GBF1: variants seen among roughly 807,000 people sequenced by gnomAD.
GBF1 encodes the protein Golgi-specific brefeldin A-resistance guanine nucleotide exchange factor 1.
A neutral mutation model predicts 210.5 loss-of-function variants in GBF1; 114 were observed. The observed-to-expected ratio is 0.54, with a 90% CI of 0.47 to 0.63. The LOEUF is 0.63. Ranked by LOEUF, GBF1 falls within the 30% of genes least tolerant of loss-of-function variation. GBF1 has a pLI of 0.00. For missense variants in GBF1, 1,851 were observed against 2,357.7 expected (o/e 0.79, Z 4.45); for synonymous variants, 850 against 889.2 (o/e 0.96, Z 0.78).
intron 3 of GBF1, among the ~76,000 whole-genome samples, chr10:102,284,381 A>G (rs1565058222): frequency 6.6e-6 from 1 of 152,144 alleles, no homozygotes; most frequent in Non-Finnish European, 1.5e-5. Flanking sequence ...CATCGCCCCA[A>G]AAGGAAATCC....
At position 102,358,701 on chromosome 10, in the gene GBF1, T is replaced by G; in HGVS notation, c.983T>G (p.Leu328Arg). Residue 328 changes from leucine (L) to arginine (R), a missense_variant, in exon 10 of 40, where the codon CTA becomes CGA. Coordinates refer to ENST00000369983, the MANE Select transcript of GBF1 (RefSeq NM_001377137.1). ...GCTACAGAGCCTGGAAGCAGTGAGC[T>G]AGGTGTTCCCGAGCAGCCTGACCTC... ...STATEPGSSE[L>R]GVPEQPDLQQ... 6.2e-7 allele frequency: 1 copy of G among 1,613,772 alleles called. No individual in the cohort carries two copies. Among genetic ancestry groups the G allele is most frequent in the Middle Eastern group, 1.6e-4 (1 of 6,062 alleles).
intron 7 of GBF1, among the ~76,000 whole-genome samples, 160 bp from the exon 8 acceptor site, chr10:102,353,440 T>C (rs1402421759): frequency 6.6e-6 from 1 of 152,214 alleles, no homozygotes; most frequent in Non-Finnish European, 1.5e-5. Flanking sequence ...GGCTCTTTGA[T>C]GAAGCTCTGA....
the GBF1 span, among the ~76,000 whole-genome samples, chr10:102,235,169 C>CCCT: frequency 1.4e-5 from 1 of 71,552 alleles, no homozygotes; most frequent in African/African-American, 7.1e-5. Context: ...TTACCCTTCC[C>CCCT]CCACCCCCCA....
At chr10:102,320,312 T>A (rs924282995) in intron 3 of GBF1, among the ~76,000 whole-genome samples, 1 of 152,152 alleles carries the variant, frequency 6.6e-6, no homozygotes, top group Non-Finnish European at 1.5e-5. Context: ...CAGTCCTTTA[T>A]ATTTAAACTG....
intron 3 of GBF1, among the ~76,000 whole-genome samples, chr10:102,337,327 G>C (rs1446501973): frequency 7.4e-6 from 1 of 135,182 alleles, no homozygotes; most frequent in Non-Finnish European, 1.5e-5. Flanking sequence ...CCAAGATCTC[G>C]CCACTGCACT....
chr10:102,325,550 CAA>C (rs140406517), intron 3 of GBF1, among the ~76,000 whole-genome samples: 6 of 96,336 alleles, frequency 6.2e-5, no homozygotes, highest in Non-Finnish European at 4.1e-5. Flanking sequence ...GACTCCGTCT[CAA>C]AAAAAAAAAA....
At chr10:102,284,192 A>T (rs1229079830) in intron 3 of GBF1, among the ~76,000 whole-genome samples, 1 of 152,214 alleles carries the variant, frequency 6.6e-6, no homozygotes, top group Non-Finnish European at 1.5e-5. Flanking sequence ...ATCCTGTTAA[A>T]GCACTTTAGA....
intron 3 of GBF1, among the ~76,000 whole-genome samples, chr10:102,314,583 G>T (rs12771352): frequency 0.09 from 13,660 of 152,018 alleles, 780 homozygotes; most frequent in Non-Finnish European, 0.12. Flanking sequence ...GACACCCTAG[G>T]CCAGGCAATG....
chr10:102,236,753 G>A, the GBF1 span, among the ~76,000 whole-genome samples: 7 of 152,312 alleles, frequency 4.6e-5, no homozygotes, highest in South Asian at 2.1e-4. Flanking sequence ...GCCCACAATC[G>A]GTTGCAATAA....
At chr10:102,361,351 T>G (rs915617898) in intron 13 of GBF1, among the ~76,000 whole-genome samples, 1 of 152,182 alleles carries the variant, frequency 6.6e-6, no homozygotes, top group Non-Finnish European at 1.5e-5. Context: ...CAGGTAACCT[T>G]ACCATGAATA....
At chr10:102,234,770 C>G in the GBF1 span, among the ~76,000 whole-genome samples, 1 of 152,144 alleles carries the variant, frequency 6.6e-6, no homozygotes, top group African/African-American at 2.4e-5. Flanking sequence ...GAAAAGCAGT[C>G]CCACCCTTGC....
chr10:102,286,193 G>A (rs2075923006), intron 3 of GBF1, among the ~76,000 whole-genome samples: 1 of 78,920 alleles, frequency 1.3e-5, no homozygotes, highest in Non-Finnish European at 2.6e-5. Context: ...AAAGCATAAG[G>A]GTTTTTTTTT....
At chr10:102,304,253 T>A (rs1294553388) in intron 3 of GBF1, among the ~76,000 whole-genome samples, 3 of 152,196 alleles carry the variant, frequency 2.0e-5, no homozygotes, top group Non-Finnish European at 4.4e-5. Context: ...CTTTGAATAC[T>A]TACTTGTTTT....
chr10:102,327,914 C>T (rs1052015213), intron 3 of GBF1, among the ~76,000 whole-genome samples: 1 of 152,178 alleles, frequency 6.6e-6, no homozygotes, highest in Non-Finnish European at 1.5e-5. Flanking sequence ...TTTTCCAACC[C>T]TTTGAGGATT....
chr10:102,234,053 G>A, the GBF1 span, among the ~76,000 whole-genome samples: 2 of 152,204 alleles, frequency 1.3e-5, no homozygotes, highest in Non-Finnish European at 2.9e-5. Flanking sequence ...GGGCCTCTCT[G>A]CCTCTCTCAC....
At chr10:102,271,068 T>C (rs2074366682) in intron 3 of GBF1, among the ~76,000 whole-genome samples, 1 of 151,796 alleles carries the variant, frequency 6.6e-6, no homozygotes, top group Non-Finnish European at 1.5e-5. Flanking sequence ...GATGGAGTCT[T>C]GCTCTTTCGC....
chr10:102,351,230 T>TA, intron 4 of GBF1, 26 bp from the exon 5 acceptor site: 1 of 1,251,624 alleles, frequency 8.0e-7, no homozygotes, highest in African/African-American at 1.5e-5. Flanking sequence ...CCACATCACT[T>TA]AATCTTTCCT....
chr10:102,345,428 G>A (rs945429377), intron 4 of GBF1, among the ~76,000 whole-genome samples: 1 of 150,988 alleles, frequency 6.6e-6, no homozygotes, highest in Non-Finnish European at 1.5e-5. Context: ...CGAGGCGGAC[G>A]GATCATGAGG....
In GBF1 at chr10:102,382,469, G is replaced by A; in HGVS notation, c.*133G>A. ...GTTGCTGCCACTTGGATGGGGACCTGAAAAAGAGAATGTTGATAGCCCCAG... is the reference window on the plus strand; with the variant it reads ...GTTGCTGCCACTTGGATGGGGACCTAAAAAAGAGAATGTTGATAGCCCCAG... On this transcript the variant is annotated 3_prime_UTR_variant, in exon 40 of 40. Coordinates refer to ENST00000369983, the MANE Select transcript of GBF1 (RefSeq NM_001377137.1). The A allele has an allele frequency of 1.4e-6, 1 of 738,734 alleles. No individual in the cohort carries two copies. The highest frequency in any genetic ancestry group is 2.2e-6 in the Non-Finnish European group (1 of 459,128). 45.8% of individuals were successfully genotyped at this position (738,734 alleles called of 1,614,324 possible).
Sources: allele counts gnomAD v4.1 joint callset (sites outside exome capture counted in the v4.1 genomes callset), GRCh38; gene constraint gnomAD v4.1.1; transcripts MANE v1.5; gene names NCBI Gene and HGNC (gene_info 2026-07-23, HGNC 2026-07-21).